The following COBL variants were observed in gnomAD, a reference collection of about 807,000 sequenced individuals.
The protein encoded by COBL is cordon-bleu WH2 repeat protein.
In COBL, 51 loss-of-function variants were observed where a neutral mutation model predicts 98.8. The ratio of observed to expected loss-of-function variants is 0.52; its 90% confidence interval spans 0.41 to 0.65. The LOEUF (loss-of-function observed/expected upper bound fraction) is 0.65. Among genes scored for constraint, COBL ranks in the 30% least tolerant of loss-of-function variants. The pLI is 0.00. For synonymous variants in COBL, 634 were observed against 651.7 expected (o/e 0.97, Z 0.41); for missense variants, 1,617 against 1,617.5 (o/e 1.00, Z 0.01).
At chr7:51,301,111 G>C (rs545080047) in intron 1 of COBL, among the ~76,000 whole-genome samples, 2 of 152,210 alleles carry the variant, frequency 1.3e-5, no homozygotes, top group East Asian at 3.9e-4. Context: ...CACGCACCGC[G>C]CAGGCTGCTG....
In COBL at chr7:51,149,884, G is replaced by A. The variant is rs146019225; in HGVS notation, c.784-13553C>T. Among the ~76,000 whole-genome samples the A allele has an allele frequency of 1.1e-4, 16 of 152,178 alleles. No homozygotes were observed. In the South Asian group the frequency reaches 2.9e-3, roughly 28 times the overall value. On this transcript the variant is annotated intron_variant, in intron 5 of 12. Transcript: ENST00000265136. Reference sequence around the variant, plus strand: ...AGGTGATCCGCCCACCTCAGCCTCCGAAAGTGCTGGGATTACAGGCATGAG... The same window carrying A: ...AGGTGATCCGCCCACCTCAGCCTCCAAAAGTGCTGGGATTACAGGCATGAG...
chr7:51,141,249 A>T (rs997102097), intron 5 of COBL, among the ~76,000 whole-genome samples: 3 of 152,094 alleles, frequency 2.0e-5, no homozygotes, highest in Admixed American at 6.5e-5. Flanking sequence ...ATCTTTTGAC[A>T]TGGCTATTGA....
chr7:51,247,919 C>T (rs778103582), intron 1 of COBL, among the ~76,000 whole-genome samples: 1 of 152,072 alleles, frequency 6.6e-6, no homozygotes, highest in African/African-American at 2.4e-5. Flanking sequence ...TGGTGGATCA[C>T]TTGAGGTCAG....
chr7:51,226,837 T>G (rs1794244700), intron 1 of COBL, among the ~76,000 whole-genome samples: 1 of 152,188 alleles, frequency 6.6e-6, no homozygotes, highest in South Asian at 2.1e-4. Context: ...CATGCCACAC[T>G]GTGTATGTTC....
rs115207126 is a variant in COBL, at chr7:51,066,263, G to T, written c.1096+18903C>A. 7.0e-3 allele frequency among the ~76,000 whole-genome samples: 1,065 copies of T among 152,298 alleles called. 13 individuals carry two copies. The highest frequency in any genetic ancestry group is 0.025 in the African/African-American group (1,031 of 41,558). ...ATTTTTGTGCAGCCCCATACTTGTT[G>T]TTGGCTGTGGGCTTAGGTGGGCTTG... On this transcript the variant is annotated intron_variant, in intron 7 of 12. Transcript: ENST00000265136.
At chr7:51,094,588 T>C (rs1186200954) in intron 6 of COBL, among the ~76,000 whole-genome samples, 1 of 152,146 alleles carries the variant, frequency 6.6e-6, no homozygotes, top group Non-Finnish European at 1.5e-5. Flanking sequence ...GTTGATCATC[T>C]CTAGACCTGC....
At chr7:51,273,864 G>A (rs1427331716) in intron 1 of COBL, among the ~76,000 whole-genome samples, 1 of 152,144 alleles carries the variant, frequency 6.6e-6, no homozygotes, top group Non-Finnish European at 1.5e-5. Flanking sequence ...TATTTTAGGT[G>A]TTTATATTTT....
At chr7:51,190,819 G>A in intron 4 of COBL, 31 bp downstream of exon 4, 1 of 1,576,164 alleles carries the variant, frequency 6.3e-7, no homozygotes, top group Admixed American at 1.7e-5. Flanking sequence ...TGTGATTATG[G>A]GCAGGTGCGT....
chr7:51,286,980 C>T (rs1800424438), intron 1 of COBL, among the ~76,000 whole-genome samples: 1 of 152,164 alleles, frequency 6.6e-6, no homozygotes, highest in African/African-American at 2.4e-5. Flanking sequence ...CAGCTGGATG[C>T]CACTATCCTA....
At position 51,191,915 on chromosome 7, in the gene COBL, C is replaced by T. The variant is rs556607357; in HGVS notation, c.457-837G>A. ...AGGCCTCACGCTCTCTTCCAGCCTG[C>T]GTACCAGGGCCCAGTGGCTGGGATA... is the stretch of plus-strand genomic sequence containing the variant. On this transcript the variant is annotated intron_variant, in intron 3 of 12. Transcript: ENST00000265136. Among the ~76,000 whole-genome samples the T allele has an allele frequency of 4.9e-4, 75 of 152,280 alleles. 1 individual carries two copies. Among genetic ancestry groups the T allele is most frequent in the African/African-American group, 1.7e-3 (71 of 41,560 alleles).
chr7:51,040,752 A>T (rs531510450), intron 8 of COBL, among the ~76,000 whole-genome samples: 1 of 152,296 alleles, frequency 6.6e-6, no homozygotes, highest in South Asian at 2.1e-4. Flanking sequence ...CCCAGAGATG[A>T]GGGCAGGAAA....
intron 2 of COBL, among the ~76,000 whole-genome samples, chr7:51,198,675 C>T (rs1790819210): frequency 6.6e-6 from 1 of 152,166 alleles, no homozygotes; most frequent in African/African-American, 2.4e-5. Context: ...TCTTGCAGGA[C>T]ATAATTATGG....
intron 6 of COBL, among the ~76,000 whole-genome samples, chr7:51,099,726 G>T (rs367847144): frequency 2.6e-5 from 4 of 151,894 alleles, no homozygotes; most frequent in Non-Finnish European, 4.4e-5. Flanking sequence ...ATGCTATGTG[G>T]TTTTTTTAAC....
intron 6 of COBL, among the ~76,000 whole-genome samples, chr7:51,119,484 G>A (rs774897008): frequency 3.9e-5 from 6 of 152,118 alleles, no homozygotes; most frequent in African/African-American, 1.2e-4. Context: ...AGGAGGGAGC[G>A]AAGCTGTGTT....
At chr7:51,047,127 C>T (rs907322174) in intron 7 of COBL, among the ~76,000 whole-genome samples, 1 of 152,208 alleles carries the variant, frequency 6.6e-6, no homozygotes, top group African/African-American at 2.4e-5. Context: ...GGCAACTTTG[C>T]TATTCTCTTA....
chr7:51,139,562 G>A (rs987400479), intron 5 of COBL, among the ~76,000 whole-genome samples: 4 of 152,178 alleles, frequency 2.6e-5, no homozygotes, highest in African/African-American at 9.7e-5. Context: ...CAAGGAGGTC[G>A]ATTGCAGGGT....
chr7:51,259,467 C>T (rs985530406), intron 1 of COBL: 1 of 559,576 alleles, frequency 1.8e-6, no homozygotes, highest in Admixed American at 2.4e-5. Flanking sequence ...ATGTGTTCAC[C>T]CCGACAGCCA....
chr7:51,162,283 GCA>G (rs1786899355), intron 5 of COBL, among the ~76,000 whole-genome samples: 1 of 152,172 alleles, frequency 6.6e-6, no homozygotes, highest in South Asian at 2.1e-4. Flanking sequence ...ACAGCCTGAG[GCA>G]CACTTTCTTT....
At chr7:51,107,084 GTTTGTTTGTT>G (rs1168553393) in intron 6 of COBL, among the ~76,000 whole-genome samples, 1 of 109,312 alleles carries the variant, frequency 9.1e-6, no homozygotes, top group Non-Finnish European at 1.9e-5. Context: ...TGTGATCCTA[GTTTGTTTGTT>G]TTTTTTTTTT....
Sources: gnomAD v4.1 joint callset for allele counts (sites outside exome capture counted in the v4.1 genomes callset) on GRCh38, gnomAD v4.1.1 for gene constraint, MANE v1.5 for transcripts, NCBI Gene and HGNC (gene_info 2026-07-23, HGNC 2026-07-21) for gene names.